Variants in HACD2 observed in about 807,000 individuals in gnomAD.
The protein encoded by HACD2 is very-long-chain (3R)-3-hydroxyacyl-CoA dehydratase 2.
HACD2 carries 15 observed loss-of-function variants against 31.0 expected under a neutral mutation model. The observed-to-expected ratio is 0.48, with a 90% CI of 0.32 to 0.75. The LOEUF is 0.75. HACD2 is among the 30% of genes least tolerant of loss of function. The pLI is 0.03. For missense variants in HACD2, 283 were observed against 313.0 expected, an observed-to-expected ratio of 0.90 and a Z score of 0.72; for synonymous variants, 115 against 122.2, an observed-to-expected ratio of 0.94 and a Z score of 0.39.
chr3:123,555,348 C>A (rs1287787383), intron 3 of HACD2, among the ~76,000 whole-genome samples: 6 of 151,950 alleles, frequency 3.9e-5, no homozygotes, highest in African/African-American at 1.5e-4. Context: ...AAAGAATCTA[C>A]AAACACACAC....
At chr3:123,548,769 T>C (rs1222422592) in intron 3 of HACD2, among the ~76,000 whole-genome samples, 1 of 151,774 alleles carries the variant, frequency 6.6e-6, no homozygotes, top group Non-Finnish European at 1.5e-5. Flanking sequence ...ACCACAGGTG[T>C]GTGTCACCAT....
rs184299539 is a variant in HACD2 at position 123,573,091 on chromosome 3, C to T, written c.274-5311G>A. 8.7e-4 allele frequency among the ~76,000 whole-genome samples: 132 copies of T among 152,280 alleles called. 1 individual carries two copies. Among genetic ancestry groups the T allele is most frequent in the Middle Eastern group, 3.4e-3 (1 of 294 alleles). The stretch of plus-strand genomic sequence containing the variant: ...AGACATGTCCACGACACTTGTTTTA[C>T]GGTGCAGAGGTCCATAACCAATTTG... On this transcript the variant is annotated intron_variant, in intron 2 of 6. Coordinates refer to ENST00000383657, the MANE Select transcript of HACD2 (RefSeq NM_198402.5).
intron 3 of HACD2, among the ~76,000 whole-genome samples, chr3:123,535,383 TA>T (rs2056412818): frequency 1.3e-5 from 2 of 152,272 alleles, no homozygotes. Context: ...AGAATCTCCC[TA>T]ACCAAATACA....
At chr3:123,546,510 A>G (rs1003337842) in intron 3 of HACD2, among the ~76,000 whole-genome samples, 2 of 152,222 alleles carry the variant, frequency 1.3e-5, no homozygotes, top group African/African-American at 4.8e-5. Context: ...AAGTTTCTGG[A>G]AAGCCTTGCA....
At chr3:123,496,573 A>G (rs926863138) in intron 6 of HACD2, among the ~76,000 whole-genome samples, 4 of 152,202 alleles carry the variant, frequency 2.6e-5, no homozygotes, top group African/African-American at 9.6e-5. Context: ...TCGTTCACAG[A>G]AAAGACCCCA....
At chr3:123,546,361 A>G (rs1329105094) in intron 3 of HACD2, among the ~76,000 whole-genome samples, 1 of 152,164 alleles carries the variant, frequency 6.6e-6, no homozygotes, top group Non-Finnish European at 1.5e-5. Context: ...CCACTATACA[A>G]TGTCCCTTTC....
rs2055780166 is a variant in HACD2, at chr3:123,492,813, T to A, written c.*2075A>T. On this transcript the variant is annotated 3_prime_UTR_variant, in exon 7 of 7. Coordinates refer to ENST00000383657, the MANE Select transcript of HACD2 (RefSeq NM_198402.5). ...AACAGAACAAAGTAAATGACAAATA[T>A]AACCCAAGTTGATTCTATTTTATAG... The A allele has an allele frequency of 6.6e-6, 1 of 152,196 alleles. No individual in the cohort carries two copies. Among genetic ancestry groups the A allele is most frequent in the South Asian group, 2.1e-4 (1 of 4,830 alleles). 9.4% of individuals were successfully genotyped at this position (152,196 alleles called of 1,614,324 possible).
chr3:123,557,348 C>T (rs1012347768), intron 3 of HACD2, among the ~76,000 whole-genome samples: 29 of 152,174 alleles, frequency 1.9e-4, no homozygotes, highest in African/African-American at 7.2e-5. Context: ...ATGTCTTTCA[C>T]GAAACCAGTC....
chr3:123,528,764 G>GTA (rs879256231), intron 3 of HACD2, among the ~76,000 whole-genome samples: 16 of 152,062 alleles, frequency 1.1e-4, no homozygotes, highest in Non-Finnish European at 1.9e-4. Context: ...TACACTTACT[G>GTA]TATAGATGGA....
In HACD2 at chr3:123,494,667, A is replaced by C. The variant is rs2055811080; in HGVS notation, c.*221T>G. On this transcript the variant is annotated 3_prime_UTR_variant, in exon 7 of 7. Coordinates refer to ENST00000383657, the MANE Select transcript of HACD2 (RefSeq NM_198402.5). ...AATATTAAGAACTTCTGGTTGAAAGAGCATGCTGAAATGAACTGGCCAGGG... is the reference window on the plus strand; with the variant it reads ...AATATTAAGAACTTCTGGTTGAAAGCGCATGCTGAAATGAACTGGCCAGGG... 3.6e-6 allele frequency: 2 copies of C among 553,776 alleles called. No individual in the cohort carries two copies. Among genetic ancestry groups the C allele is most frequent in the Non-Finnish European group, 6.3e-6 (2 of 316,314 alleles). 34.3% of individuals were successfully genotyped at this position (553,776 alleles called of 1,614,324 possible).
chr3:123,526,380 T>C (rs1010783474), intron 4 of HACD2, among the ~76,000 whole-genome samples: 2 of 152,208 alleles, frequency 1.3e-5, no homozygotes, highest in Non-Finnish European at 2.9e-5. Context: ...GCAGAAACGC[T>C]GAAGTCCAAT....
intron 3 of HACD2, among the ~76,000 whole-genome samples, chr3:123,566,517 C>A (rs1245729903): frequency 2.6e-5 from 4 of 151,884 alleles, no homozygotes; most frequent in Admixed American, 6.5e-5. Context: ...CTCCTGGCCT[C>A]AAGTGATCCT....
At chr3:123,561,277 T>C (rs1253282577) in intron 3 of HACD2, among the ~76,000 whole-genome samples, 3 of 152,154 alleles carry the variant, frequency 2.0e-5, no homozygotes, top group African/African-American at 7.2e-5. Context: ...GTGATTATGA[T>C]TTTTTTGGAA....
At chr3:123,530,043 T>C (rs954117608) in intron 3 of HACD2, among the ~76,000 whole-genome samples, 10 of 152,190 alleles carry the variant, frequency 6.6e-5, no homozygotes, top group Admixed American at 5.2e-4. Flanking sequence ...CATATTTCTA[T>C]TATAATAGAC....
intron 4 of HACD2, among the ~76,000 whole-genome samples, chr3:123,518,919 C>T (rs2056178438): frequency 6.7e-6 from 1 of 148,796 alleles, no homozygotes; most frequent in Non-Finnish European, 1.5e-5. Context: ...ATCGCTTGAA[C>T]CAGGGAGGTG....
chr3:123,521,076 A>G (rs767607110), intron 4 of HACD2, among the ~76,000 whole-genome samples: 1 of 152,164 alleles, frequency 6.6e-6, no homozygotes, highest in Non-Finnish European at 1.5e-5. Context: ...AGTAGCATCA[A>G]TACATATGTT....
rs186391736 is a variant in HACD2 at position 123,575,068 on chromosome 3, A to G, written c.273+7144T>C. ...GGCTTATACTGTGCAGCCACTAGCC[A>G]TATGTGCCTATTTAAACTTAAATAA... On this transcript the variant is annotated intron_variant, in intron 2 of 6. Coordinates refer to ENST00000383657, the MANE Select transcript of HACD2 (RefSeq NM_198402.5). 1.7e-4 allele frequency among the ~76,000 whole-genome samples: 26 copies of G among 152,106 alleles called. No homozygotes were observed. In the East Asian group the frequency reaches 5.0e-3, roughly 29 times the overall value.
chr3:123,530,369 A>C (rs2056342679), intron 3 of HACD2, among the ~76,000 whole-genome samples: 1 of 151,780 alleles, frequency 6.6e-6, no homozygotes, highest in South Asian at 2.1e-4. Flanking sequence ...CTCTCGCCTC[A>C]GCGTCCCAAG....
chr3:123,528,524 A>C (rs762953603), intron 3 of HACD2, 50 bp from the exon 4 acceptor site: 1 of 1,058,586 alleles, frequency 9.4e-7, no homozygotes, highest in South Asian at 1.3e-5. Context: ...CTAAGTTTCG[A>C]TATATAATAT....
Sources: gnomAD v4.1 joint callset for allele counts (sites outside exome capture counted in the v4.1 genomes callset) on GRCh38, gnomAD v4.1.1 for gene constraint, MANE v1.5 for transcripts, NCBI Gene and HGNC (gene_info 2026-07-23, HGNC 2026-07-21) for gene names.